The following SVOPL variants were observed in gnomAD, a reference collection of about 807,000 sequenced individuals.
SVOPL encodes SVOP like, also known as putative transporter SVOPL.
In SVOPL, 60 loss-of-function variants were observed where a neutral mutation model predicts 61.0. The ratio of observed to expected loss-of-function variants is 0.98; its 90% confidence interval spans 0.80 to 1.22. SVOPL has a LOEUF of 1.22. SVOPL is among the 50% of genes most tolerant of loss of function. The pLI, the probability that SVOPL is intolerant of heterozygous loss-of-function variation, is 0.00. For synonymous variants in SVOPL, 279 were observed against 250.0 expected, an observed-to-expected ratio of 1.12 and a Z score of -1.09; for missense variants, 662 against 643.9, an observed-to-expected ratio of 1.03 and a Z score of -0.30.
Position 138,689,151 on chromosome 7 carries a change from G to A in SVOPL, c.-34-10072C>T, listed in dbSNP as rs537038871. On this transcript the variant is annotated intron_variant, in intron 1 of 15. Transcript: ENST00000674285. ...AGATGTCACTTTACAGAAATAGTGCGTACCATTCCGATGTTACAATGGTGG... is the reference window on the plus strand; with the variant it reads ...AGATGTCACTTTACAGAAATAGTGCATACCATTCCGATGTTACAATGGTGG... 107 of 927,314 alleles carry A rather than the reference G, an allele frequency of 1.2e-4. No homozygotes were observed. The Admixed American group carries it at 1.6e-3, about 14-fold the overall frequency. The allele number at this position is 927,314 out of a possible 1,614,324, so 57.4% of individuals were successfully genotyped here.
intron 9 of SVOPL, among the ~76,000 whole-genome samples, chr7:138,631,205 A>T (rs1800172284): frequency 6.6e-6 from 1 of 152,010 alleles, no homozygotes; most frequent in Non-Finnish European, 1.5e-5. Context: ...TTAATTTTTA[A>T]TTTTTGTGGG....
intron 14 of SVOPL, among the ~76,000 whole-genome samples, chr7:138,609,068 A>G (rs1220189305): frequency 2.0e-5 from 3 of 152,190 alleles, no homozygotes; most frequent in Admixed American, 6.5e-5. Context: ...AAAAAAGATA[A>G]ATTACCCAAT....
chr7:138,630,418 G>T (rs1369089235), intron 9 of SVOPL, among the ~76,000 whole-genome samples: 2 of 152,138 alleles, frequency 1.3e-5, no homozygotes, highest in Non-Finnish European at 2.9e-5. Flanking sequence ...GCGCGGGGGT[G>T]GGGATGGTAG....
Position 138,656,443 on chromosome 7 carries a change from C to A in SVOPL, c.534+5G>T. On this transcript the variant is annotated splice_donor_5th_base_variant and intron_variant, in intron 7 of 15. Transcript: ENST00000674285. ...AAGGCAGGTAGAACTCCTACGTTGC[C>A]TTACCTGAGACAAGGGTAACATATA... 1 of 1,613,858 alleles carries A rather than the reference C, an allele frequency of 6.2e-7. No homozygotes were observed. The highest frequency in any genetic ancestry group is 8.5e-7 in the Non-Finnish European group (1 of 1,179,894).
rs182363397 is a variant in SVOPL, at chr7:138,672,086, G to T, written c.206C>A (p.Ala69Asp). The change falls in exon 4 of 16, where the codon GCT becomes GAT. Residue 69 changes from alanine (A) to aspartate (D), a missense_variant. Ala to Asp is a moderately radical substitution (Grantham distance 126, BLOSUM62 -2). Coordinates refer to ENST00000674285, the MANE Select transcript of SVOPL (RefSeq NM_001139456.2). ...ACAGCGGATGACAGGAGACACAACA[G>T]CTATCAACATGATCTCCATGGCCTC... ...VVEAMEIMLI[A>D]VVSPVIRCEW... 13 of 1,551,694 alleles carry T rather than the reference G, an allele frequency of 8.4e-6. No individual in the cohort carries two copies. The Admixed American group carries it at 1.8e-4, about 21-fold the overall frequency.
At chr7:138,678,033 T>G (rs1465568710) in intron 3 of SVOPL, among the ~76,000 whole-genome samples, 1 of 152,184 alleles carries the variant, frequency 6.6e-6, no homozygotes, top group Non-Finnish European at 1.5e-5. Context: ...CCCAAAGTGC[T>G]GGGATTGCAG....
chr7:138,599,167 A>AAAAAAAAAAAAAAAAAC (rs58372563), intron 14 of SVOPL, among the ~76,000 whole-genome samples: 13 of 121,810 alleles, frequency 1.1e-4, no homozygotes, highest in East Asian at 2.2e-4. Flanking sequence ...ACCAAAAAAA[A>AAAAAAAAAAAAAAAAAC]AAGAAATACA....
At chr7:138,633,927 C>T (rs1800340877) in intron 9 of SVOPL, among the ~76,000 whole-genome samples, 1 of 152,160 alleles carries the variant, frequency 6.6e-6, no homozygotes, top group African/African-American at 2.4e-5. Flanking sequence ...GTAGGACACT[C>T]AGACATCAAC....
At chr7:138,643,894 T>G (rs575476589) in intron 9 of SVOPL, among the ~76,000 whole-genome samples, 164 of 152,168 alleles carry the variant, frequency 1.1e-3, no homozygotes, top group African/African-American at 3.6e-3. Context: ...TAAAAACTGT[T>G]AAGATAATAA....
intron 9 of SVOPL, among the ~76,000 whole-genome samples, chr7:138,640,466 G>T (rs1800729843): frequency 6.6e-6 from 1 of 151,842 alleles, no homozygotes. Flanking sequence ...CCCAACCTCA[G>T]GTGTAACTCC....
At position 138,696,808 on chromosome 7, in the gene SVOPL, A is replaced by G. The variant is rs530596149; in HGVS notation, c.-35+4370T>C. 4.2e-4 allele frequency among the ~76,000 whole-genome samples: 64 copies of G among 152,210 alleles called. No homozygotes were observed. In the South Asian group the frequency reaches 9.3e-3, roughly 22 times the overall value. On this transcript the variant is annotated intron_variant, in intron 1 of 15. Transcript: ENST00000674285. ...GGTCTTAAACTCCTGGGCTCAGACAATCTTCCTGCCTCAGTCTCCCAGAGT... is the reference window on the plus strand; with the variant it reads ...GGTCTTAAACTCCTGGGCTCAGACAGTCTTCCTGCCTCAGTCTCCCAGAGT...
At chr7:138,670,362 C>A (rs1802384279) in intron 4 of SVOPL, among the ~76,000 whole-genome samples, 1 of 152,166 alleles carries the variant, frequency 6.6e-6, no homozygotes, top group Non-Finnish European at 1.5e-5. Flanking sequence ...TTCTGTAGGT[C>A]ACACGATTTG....
rs563620087 is a variant in SVOPL at position 138,603,355 on chromosome 7, G to A, written c.1354-6825C>T. ...TGATGTACTGATCAATGTATAACCTGCTGACACTGAATAGGGTGTGGATGT... is the reference window on the plus strand; with the variant it reads ...TGATGTACTGATCAATGTATAACCTACTGACACTGAATAGGGTGTGGATGT... On this transcript the variant is annotated intron_variant, in intron 14 of 15. Transcript: ENST00000674285. 2.6e-5 allele frequency among the ~76,000 whole-genome samples: 4 copies of A among 152,294 alleles called. No homozygotes were observed. In the East Asian group the frequency reaches 5.8e-4, roughly 22 times the overall value.
chr7:138,603,121 A>G (rs1798602409), intron 14 of SVOPL, among the ~76,000 whole-genome samples: 1 of 152,188 alleles, frequency 6.6e-6, no homozygotes, highest in Admixed American at 6.5e-5. Context: ...GACAAAACAT[A>G]TGTATATGAA....
intron 15 of SVOPL, among the ~76,000 whole-genome samples, chr7:138,595,363 A>T (rs1010489086): frequency 1.3e-5 from 2 of 152,186 alleles, no homozygotes; most frequent in Admixed American, 6.5e-5. Context: ...TCCCAAAGAC[A>T]TGTAGCCAGT....
intron 14 of SVOPL, 115 bp from the exon 15 acceptor site, chr7:138,596,645 T>C: frequency 6.9e-7 from 1 of 1,449,006 alleles, no homozygotes; most frequent in East Asian, 2.6e-5. Flanking sequence ...TTGCAGCCAT[T>C]CTACAGGTTG....
chr7:138,696,624 A>C (rs1404347232), intron 1 of SVOPL, among the ~76,000 whole-genome samples: 3 of 151,988 alleles, frequency 2.0e-5, no homozygotes, highest in Non-Finnish European at 4.4e-5. Flanking sequence ...GGATTTCACC[A>C]TGTTGGTCAG....
chr7:138,621,151 C>T lies in SVOPL; in HGVS notation c.1264-16G>A, dbSNP rs577402919. The T allele has an allele frequency of 3.9e-4, 623 of 1,609,110 alleles. 6 individuals are homozygous for T. The South Asian group carries it at 6.3e-3, about 16-fold the overall frequency. ...TGGGGTAGACCTGCAGGGAGAGGCACGGAAAGTACCAGTCAGATAATGTCC... is the reference window on the plus strand; with the variant it reads ...TGGGGTAGACCTGCAGGGAGAGGCATGGAAAGTACCAGTCAGATAATGTCC... On this transcript the variant is annotated splice_polypyrimidine_tract_variant and intron_variant, in intron 13 of 15. Coordinates refer to ENST00000674285, the MANE Select transcript of SVOPL (RefSeq NM_001139456.2).
intron 9 of SVOPL, among the ~76,000 whole-genome samples, chr7:138,631,900 TC>T (rs143946547): frequency 0.04 from 6,121 of 151,478 alleles, 324 homozygotes; most frequent in African/African-American, 0.12. Context: ...TCAATTTATG[TC>T]CCATTTATCC....
Sources: allele counts gnomAD v4.1 joint callset (sites outside exome capture counted in the v4.1 genomes callset), GRCh38; gene constraint gnomAD v4.1.1; transcripts MANE v1.5; gene names NCBI Gene and HGNC (gene_info 2026-07-23, HGNC 2026-07-21).